Variants in ZDHHC4 observed in about 807,000 individuals in gnomAD.
ZDHHC4 encodes the protein palmitoyltransferase ZDHHC4.
ZDHHC4 carries 42 observed loss-of-function variants against 36.7 expected under a neutral mutation model. The ratio of observed to expected loss-of-function variants is 1.14; its 90% CI spans 0.89 to 1.48. The LOEUF is 1.48. Ranked by LOEUF, ZDHHC4 falls within the 40% of genes most tolerant of loss-of-function variation. ZDHHC4 has a pLI of 0.00. For missense variants in ZDHHC4, 457 were observed against 421.5 expected, an observed-to-expected ratio of 1.08 and a Z score of -0.74; for synonymous variants, 189 against 166.6, an observed-to-expected ratio of 1.13 and a Z score of -1.03.
Position 6,588,610 on chromosome 7 carries a change from C to T in ZDHHC4, c.742-7C>T. 2 of 1,613,386 alleles carry T rather than the reference C, an allele frequency of 1.2e-6. No homozygotes were observed. The highest frequency in any genetic ancestry group is 1.7e-6 in the Non-Finnish European group (2 of 1,179,598). ...TGCCTAAAGCACTACCTTTTCTCTG[C>T]TCCTAGTACCTGTTCCTGACTTTTC... On this transcript the variant is annotated splice_region_variant and splice_polypyrimidine_tract_variant and intron_variant, in intron 7 of 7. Coordinates refer to ENST00000335965, the MANE Select transcript of ZDHHC4 (RefSeq NM_001134389.2).
intron 2 of ZDHHC4, 129 bp downstream of exon 2, chr7:6,578,849 G>C (rs1780627099): frequency 6.6e-6 from 1 of 152,200 alleles, no homozygotes; most frequent in East Asian, 1.9e-4. Context: ...TATCTGCTAA[G>C]GTCAAAAGTG....
Position 6,582,091 on chromosome 7 carries a change from C to T in ZDHHC4, c.210C>T (p.Val70=). 1.9e-6 allele frequency: 3 copies of T among 1,613,886 alleles called. No individual in the cohort carries two copies. The highest frequency in any genetic ancestry group is 2.5e-6 in the Non-Finnish European group (3 of 1,179,858). Residue 70 remains valine, a synonymous_variant, in exon 5 of 8, where the codon GTC becomes GTT. Coordinates refer to ENST00000335965, the MANE Select transcript of ZDHHC4 (RefSeq NM_001134389.2). The part of the protein sequence containing the change: ...LFHTRNHTFI[V]LHLVLQGMVY... Reference sequence around the variant, plus strand: ...CTTTCAGAAACCACACCTTCATTGTCCTGCACCTGGTCTTGCAAGGGATGG... The same window carrying T: ...CTTTCAGAAACCACACCTTCATTGTTCTGCACCTGGTCTTGCAAGGGATGG...
rs553106277 is a variant in ZDHHC4, at chr7:6,588,631, T to C, written c.756T>C (p.Thr252=). Residue 252 remains threonine (T), a synonymous_variant, in exon 8 of 8, where the codon ACT becomes ACC. Transcript: ENST00000335965. The part of the protein sequence containing the change: ...TVFLIQYLFL[T]FPRIVFMLGF... ...TCTGCTCCTAGTACCTGTTCCTGAC[T>C]TTTCCACGGATTGTCTTCATGCTGG... 5 of 1,614,156 alleles carry C rather than the reference T, an allele frequency of 3.1e-6. No homozygotes were observed. In the African/African-American group the frequency reaches 5.3e-5, roughly 17 times the overall value.
At chr7:6,586,102 A>G (rs1781225524) in intron 7 of ZDHHC4, among the ~76,000 whole-genome samples, 1 of 151,768 alleles carries the variant, frequency 6.6e-6, no homozygotes, top group South Asian at 2.1e-4. Flanking sequence ...GCAGTGAGCC[A>G]AGATCGTGCC....
Position 6,580,630 on chromosome 7 carries a change from C to G in ZDHHC4, c.69C>G (p.Val23=). The change falls in exon 3 of 8, where the codon GTC becomes GTG. Residue 23 remains valine, a synonymous_variant. Coordinates refer to ENST00000335965, the MANE Select transcript of ZDHHC4 (RefSeq NM_001134389.2). ...SVLMGLVLIC[V]CSKTHSLKGL... ...TGATGGGTCTTGTTCTTATCTGCGT[C>G]TGCTCGAAAACCCATAGCTTGAAAG... The G allele has an allele frequency of 2.5e-6, 4 of 1,614,128 alleles. No individual in the cohort carries two copies. Among genetic ancestry groups the G allele is most frequent in the Non-Finnish European group, 2.5e-6 (3 of 1,180,030 alleles).
At position 6,582,352 on chromosome 7, in the gene ZDHHC4, T is replaced by C. The variant is rs539583669; in HGVS notation, c.370+101T>C. 2.3e-5 allele frequency: 26 copies of C among 1,109,696 alleles called. No homozygotes were observed. In the East Asian group the frequency reaches 3.6e-4, roughly 15 times the overall value. 68.7% of individuals were successfully genotyped at this position (1,109,696 alleles called of 1,614,324 possible). On this transcript the variant is annotated intron_variant, in intron 5 of 7. Coordinates refer to ENST00000335965, the MANE Select transcript of ZDHHC4 (RefSeq NM_001134389.2). ...CCCCCCCTGAGGACTTTGTAAAAGA[T>C]TTGATGTGTAGCATTTTCATTACCT...
intron 2 of ZDHHC4, 75 bp from the exon 3 acceptor site, chr7:6,580,480 T>C: frequency 1.6e-6 from 2 of 1,225,092 alleles, no homozygotes; most frequent in Non-Finnish European, 2.4e-6. Context: ...CATTTGGGAG[T>C]TGATGTCTGA....
At chr7:6,581,487 A>G in intron 3 of ZDHHC4, 120 bp from the exon 4 acceptor site, 1 of 739,096 alleles carries the variant, frequency 1.4e-6, no homozygotes, top group Non-Finnish European at 2.4e-6. Context: ...TTCTTCACCC[A>G]TATAGGGAAA....
chr7:6,580,755 CAAA>C, intron 3 of ZDHHC4, 77 bp downstream of exon 3: 1 of 1,421,372 alleles, frequency 7.0e-7, no homozygotes, highest in East Asian at 2.3e-5. Flanking sequence ...TGCTACAGGA[CAAA>C]AAAGAGATGC....
At chr7:6,585,307 A>G in intron 7 of ZDHHC4, 47 bp downstream of exon 7, 1 of 1,594,104 alleles carries the variant, frequency 6.3e-7, no homozygotes, top group African/African-American at 1.3e-5. Flanking sequence ...AATCGCAAAA[A>G]AGACATTTAT....
chr7:6,585,281 T>C, intron 7 of ZDHHC4, 21 bp downstream of exon 7: 1 of 1,599,650 alleles, frequency 6.3e-7, no homozygotes, highest in Non-Finnish European at 8.5e-7. Context: ...TGTAGGTTTC[T>C]GACTTCAAGT....
Position 6,589,002 on chromosome 7 carries a change from G to A in ZDHHC4, c.*92G>A. 1 of 1,482,984 alleles carries A rather than the reference G, an allele frequency of 6.7e-7. No individual in the cohort carries two copies. The allele number at this position is 1,482,984 out of a possible 1,614,324, so 91.9% of individuals were successfully genotyped here. A position where few individuals can be genotyped will look rare whatever the true frequency, so the allele number is the denominator to read the frequency against. On this transcript the variant is annotated 3_prime_UTR_variant, in exon 8 of 8. Transcript: ENST00000335965. Reference sequence around the variant, plus strand: ...GCATGGCTTGTTTGTTTTGATTTCTGCTGTGCTTATAAATCACTTTCGGTG... The same window carrying A: ...GCATGGCTTGTTTGTTTTGATTTCTACTGTGCTTATAAATCACTTTCGGTG...
At chr7:6,580,747 C>A in intron 3 of ZDHHC4, 69 bp downstream of exon 3, 1 of 1,490,718 alleles carries the variant, frequency 6.7e-7, no homozygotes, top group Non-Finnish European at 9.3e-7. Flanking sequence ...ACAGGTTTTG[C>A]TACAGGACAA....
chr7:6,578,984 G>A lies in ZDHHC4; in HGVS notation c.-8+264G>A, dbSNP rs536863822. The stretch of plus-strand genomic sequence containing the variant: ...TCCACAGGCATGCGCAACCACACTT[G>A]GCTAATTTTTGTATTTTTTGTAGAG... On this transcript the variant is annotated intron_variant, in intron 2 of 7. Coordinates refer to ENST00000335965, the MANE Select transcript of ZDHHC4 (RefSeq NM_001134389.2). Among the ~76,000 whole-genome samples, 24 of 152,026 alleles carry A rather than the reference G, an allele frequency of 1.6e-4. No individual in the cohort carries two copies. The South Asian group carries it at 2.9e-3, about 18-fold the overall frequency.
intron 2 of ZDHHC4, among the ~76,000 whole-genome samples, 180 bp from the exon 3 acceptor site, chr7:6,580,375 T>A (rs538379561): frequency 6.6e-6 from 1 of 152,142 alleles, no homozygotes; most frequent in African/African-American, 2.4e-5. Flanking sequence ...GCCTCTGTTA[T>A]GTGTGCCTAA....
Position 6,583,338 on chromosome 7 carries a change from C to G in ZDHHC4, c.403C>G (p.Leu135Val). 1.2e-6 allele frequency: 2 copies of G among 1,613,738 alleles called. No individual in the cohort carries two copies. Among genetic ancestry groups the G allele is most frequent in the Non-Finnish European group, 1.7e-6 (2 of 1,179,870 alleles). ...IITKANELLF[L>V]HVYEFDEVMF... ...AACAAAAGCAAATGAATTATTATTT[C>G]TTCATGTTTATGAATTTGATGAAGT... The change falls in exon 6 of 8, where the codon CTT becomes GTT. Residue 135 changes from leucine to valine, a missense_variant. Coordinates refer to ENST00000335965, the MANE Select transcript of ZDHHC4 (RefSeq NM_001134389.2).
Position 6,582,182 on chromosome 7 carries a change from C to G in ZDHHC4, c.301C>G (p.Leu101Val). Reference protein sequence around the residue: ...CQELELSLHYLLLPYLLLGVN... With the variant: ...CQELELSLHYVLLPYLLLGVN... The stretch of plus-strand genomic sequence containing the variant: ...GGAGCTGGAGTTGTCCTTGCATTAC[C>G]TTCTTCTGCCCTATCTGCTGCTAGG... Residue 101 changes from leucine (L) to valine (V), a missense_variant, in exon 5 of 8, where the codon CTT becomes GTT. Physicochemically the swap from Leu to Val is conservative, Grantham distance 32. Coordinates refer to ENST00000335965, the MANE Select transcript of ZDHHC4 (RefSeq NM_001134389.2). 1 of 1,614,084 alleles carries G rather than the reference C, an allele frequency of 6.2e-7. No individual in the cohort carries two copies. Among genetic ancestry groups the G allele is most frequent in the South Asian group, 1.1e-5 (1 of 91,082 alleles).
In ZDHHC4 at chr7:6,589,032, A is replaced by G. The variant is rs7805414; in HGVS notation, c.*122A>G. On this transcript the variant is annotated 3_prime_UTR_variant, in exon 8 of 8. Transcript: ENST00000335965. ...GCTTATAAATCACTTTCGGTGGGCA[A>G]GGGAGAGAGGGGAAAATGGGTGTTG... 86 of 1,262,172 alleles carry G rather than the reference A, an allele frequency of 6.8e-5. 2 individuals are homozygous for G. The African/African-American group carries it at 1.3e-3, about 18-fold the overall frequency. The allele number at this position is 1,262,172 out of a possible 1,614,324, so 78.2% of individuals were successfully genotyped here.
rs200484802 is a variant in ZDHHC4 at position 6,580,606 on chromosome 7, G to A, written c.45G>A (p.Leu15=). The change falls in exon 3 of 8, where the codon CTG becomes CTA. Residue 15 remains leucine (L), a synonymous_variant. Transcript: ENST00000335965. The stretch of plus-strand genomic sequence containing the variant: ...TCTTGTTCTACCTGGCTTCGGTGCT[G>A]ATGGGTCTTGTTCTTATCTGCGTCT... ...VLFLFYLASV[L]MGLVLICVCS... The A allele has an allele frequency of 4.6e-5, 75 of 1,614,172 alleles. No individual in the cohort carries two copies. The East Asian group carries it at 1.7e-3, about 36-fold the overall frequency.
Sources: gnomAD v4.1 joint callset for allele counts (sites outside exome capture counted in the v4.1 genomes callset) on GRCh38, gnomAD v4.1.1 for gene constraint, MANE v1.5 for transcripts, NCBI Gene and HGNC (gene_info 2026-07-23, HGNC 2026-07-21) for gene names.